Variants in PIPOX observed in about 807,000 individuals in gnomAD.
PIPOX encodes pipecolic acid and sarcosine oxidase, also known as peroxisomal sarcosine oxidase.
PIPOX carries 45 observed loss-of-function variants against 47.9 expected under a neutral mutation model. The observed-to-expected ratio is 0.94, with a 90% CI of 0.74 to 1.20. The LOEUF (loss-of-function observed/expected upper bound fraction) is 1.20, where lower values mean the gene tolerates loss of function less well. Among genes scored for constraint, PIPOX ranks in the 50% most tolerant of loss-of-function variants. PIPOX has a pLI of 0.00. For synonymous variants in PIPOX, 165 were observed against 191.3 expected, an observed-to-expected ratio of 0.86 and a Z score of 1.13; for missense variants, 458 against 498.4, an observed-to-expected ratio of 0.92 and a Z score of 0.77.
chr17:29,044,756 A>G (rs1435625181), intron 1 of PIPOX, 103 bp from the exon 2 acceptor site: 3 of 1,208,364 alleles, frequency 2.5e-6, no homozygotes, highest in Non-Finnish European at 2.3e-6. Flanking sequence ...TATTTGAAGG[A>G]TAAATGGCTC....
In PIPOX at chr17:29,053,076, G is replaced by T; in HGVS notation, c.420G>T (p.Gly140=). 6.2e-7 allele frequency: 1 copy of T among 1,614,214 alleles called. No homozygotes were observed. The highest frequency in any genetic ancestry group is 8.5e-7 in the Non-Finnish European group (1 of 1,180,046). The change falls in exon 3 of 8, where the codon GGG becomes GGT. Residue 140 remains glycine (G), a synonymous_variant. Transcript: ENST00000323372. ...PNIRLPRGEV[G]LLDNSGGVIY... Reference sequence around the variant, plus strand: ...TTCGGTTGCCCAGGGGAGAAGTGGGGCTCTTGGACAATTCCGGAGGAGTTA... The same window carrying T: ...TTCGGTTGCCCAGGGGAGAAGTGGGTCTCTTGGACAATTCCGGAGGAGTTA...
At chr17:29,054,222 G>A (rs2065818048) in intron 4 of PIPOX, among the ~76,000 whole-genome samples, 1 of 152,064 alleles carries the variant, frequency 6.6e-6, no homozygotes, top group Admixed American at 6.6e-5. Context: ...AAAGCCCTTA[G>A]GACATAACCT....
At chr17:29,050,568 C>T (rs922342143) in intron 2 of PIPOX, among the ~76,000 whole-genome samples, 7 of 151,944 alleles carry the variant, frequency 4.6e-5, no homozygotes, top group African/African-American at 1.5e-4. Context: ...TGGTGGCTCA[C>T]GCCTGTAGTC....
intron 6 of PIPOX, 85 bp from the exon 7 acceptor site, chr17:29,055,728 A>G: frequency 8.7e-7 from 1 of 1,144,436 alleles, no homozygotes; most frequent in Non-Finnish European, 1.3e-6. Flanking sequence ...AAAGAAATCC[A>G]GCCCATCCCC....
chr17:29,049,858 C>G (rs1428107822), intron 2 of PIPOX, among the ~76,000 whole-genome samples: 1 of 152,146 alleles, frequency 6.6e-6, no homozygotes, highest in African/African-American at 2.4e-5. Context: ...GAAAATTTCC[C>G]ACTGTTATAT....
intron 2 of PIPOX, chr17:29,051,975 C>T (rs1349810383): frequency 1.3e-5 from 6 of 470,986 alleles, no homozygotes; most frequent in Admixed American, 2.3e-5. Context: ...AGTTGTTCAA[C>T]AGGCACGTTA....
chr17:29,054,814 A>T (rs903615707), intron 5 of PIPOX, 123 bp downstream of exon 5: 44 of 1,206,854 alleles, frequency 3.6e-5, no homozygotes, highest in Non-Finnish European at 4.7e-5. Context: ...TGCTTCACTC[A>T]TGGCGATTTG....
intron 7 of PIPOX, 128 bp downstream of exon 7, chr17:29,056,016 G>T: frequency 7.9e-7 from 1 of 1,261,146 alleles, no homozygotes; most frequent in African/African-American, 1.5e-5. Flanking sequence ...GTATAAGGAG[G>T]CTGGGCAGTC....
At position 29,053,567 on chromosome 17, in the gene PIPOX, G is replaced by GTCCCC; in HGVS notation, c.634_638dup (p.Gly214ProfsTer56). On this transcript the variant is annotated frameshift_variant, in exon 4 of 8. Transcript: ENST00000323372. LOFTEE classifies it high-confidence loss of function. The stretch of plus-strand genomic sequence containing the variant: ...GGTCCTTGGACCAACCAGCTCCTCC[G>GTCCCC]TCCCCTGGGCATTGAGATGCCTCTC... 3.1e-6 allele frequency: 5 copies of GTCCCC among 1,601,358 alleles called. No homozygotes were observed. The highest frequency in any genetic ancestry group is 4.3e-6 in the Non-Finnish European group (5 of 1,170,388).
intron 2 of PIPOX, among the ~76,000 whole-genome samples, chr17:29,045,403 C>CTTT (rs57047541): frequency 0.099 from 5,056 of 51,038 alleles, 1,066 homozygotes; most frequent in East Asian, 0.37. Context: ...CAGGAGGATT[C>CTTT]TTTTTTTTTT....
At chr17:29,055,342 C>A in intron 6 of PIPOX, 121 bp downstream of exon 6, 4 of 1,139,602 alleles carry the variant, frequency 3.5e-6, no homozygotes, top group Non-Finnish European at 5.1e-6. Flanking sequence ...TGACTTTAAA[C>A]AAACGGGCTC....
At chr17:29,055,992 C>G (rs1219156074) in intron 7 of PIPOX, 104 bp downstream of exon 7, 7 of 1,302,554 alleles carry the variant, frequency 5.4e-6, no homozygotes, top group Non-Finnish European at 7.8e-6. Flanking sequence ...AGGTGTGAAG[C>G]CTGGACATTG....
intron 2 of PIPOX, among the ~76,000 whole-genome samples, chr17:29,045,766 T>C (rs1003137199): frequency 6.6e-6 from 1 of 152,122 alleles, no homozygotes; most frequent in African/African-American, 2.4e-5. Flanking sequence ...CCTCACCCCC[T>C]TTAGCAGCCC....
In PIPOX at chr17:29,055,893, G is replaced by A; in HGVS notation, c.1042+5G>A. ...TCATTGGTGCTGGATTCTCTGGTGA[G>A]TCTGAGCTGGGGGGAATGGGGTGCC... On this transcript the variant is annotated splice_donor_5th_base_variant and intron_variant, in intron 7 of 7. Coordinates refer to ENST00000323372, the MANE Select transcript of PIPOX (RefSeq NM_016518.3). 6.2e-7 allele frequency: 1 copy of A among 1,613,658 alleles called. No individual in the cohort carries two copies. The highest frequency in any genetic ancestry group is 8.5e-7 in the Non-Finnish European group (1 of 1,179,572).
chr17:29,053,141 C>T lies in PIPOX; in HGVS notation c.477+8C>T, dbSNP rs376426756. The stretch of plus-strand genomic sequence containing the variant: ...GCCCTCAGAGCCCTGCAGGTAATGT[C>T]GTATAGCACTGGGGCGATGCAGGTG... On this transcript the variant is annotated splice_region_variant and intron_variant, in intron 3 of 7. Coordinates refer to ENST00000323372, the MANE Select transcript of PIPOX (RefSeq NM_016518.3). 7 of 1,611,146 alleles carry T rather than the reference C, an allele frequency of 4.3e-6. No homozygotes were observed. The highest frequency in any genetic ancestry group is 5.1e-6 in the Non-Finnish European group (6 of 1,177,740).
chr17:29,053,134 G>A lies in PIPOX; in HGVS notation c.477+1G>A, dbSNP rs2065813301. 1.9e-6 allele frequency: 3 copies of A among 1,613,300 alleles called. No individual in the cohort carries two copies. Among genetic ancestry groups the A allele is most frequent in the African/African-American group, 1.3e-5 (1 of 75,036 alleles). ...ATATAAGGCCCTCAGAGCCCTGCAG[G>A]TAATGTCGTATAGCACTGGGGCGAT... On this transcript the variant is annotated splice_donor_variant, in intron 3 of 7. Transcript: ENST00000323372. LOFTEE classifies it high-confidence loss of function.
At chr17:29,048,046 A>G (rs1264688694) in intron 2 of PIPOX, among the ~76,000 whole-genome samples, 3 of 152,198 alleles carry the variant, frequency 2.0e-5, no homozygotes, top group African/African-American at 4.8e-5. Context: ...TTCTATTATT[A>G]TAAGTCCTTT....
In PIPOX at chr17:29,055,217, A is replaced by G. The variant is rs1252063133; in HGVS notation, c.962A>G (p.Tyr321Cys). The G allele has an allele frequency of 3.1e-6, 5 of 1,614,084 alleles. 1 individual carries two copies. In the South Asian group the frequency reaches 5.5e-5, roughly 18 times the overall value. ...CCTGCTGTCATTGAGAGCTGCATGT[A>G]CACGGTAAGGGGTCTGGGCAGCCTT... ...PEPAVIESCMYTNTPDEQFIL... is the reference protein window; with the variant it reads ...PEPAVIESCMCTNTPDEQFIL... The change falls in exon 6 of 8, where the codon TAC becomes TGC. Residue 321 changes from tyrosine to cysteine, a missense_variant. Physicochemically the swap from Tyr to Cys is radical, Grantham distance 194. Transcript: ENST00000323372.
At chr17:29,046,559 G>A in intron 2 of PIPOX, 1 of 983,780 alleles carries the variant, frequency 1.0e-6, no homozygotes, top group African/African-American at 1.7e-5. Flanking sequence ...CTTTCAATAA[G>A]GGGCAGTCCC....
Sources: gnomAD v4.1 joint callset for allele counts (sites outside exome capture counted in the v4.1 genomes callset) on GRCh38, gnomAD v4.1.1 for gene constraint, MANE v1.5 for transcripts, NCBI Gene and HGNC (gene_info 2026-07-23, HGNC 2026-07-21) for gene names.